The following XRCC1 variants were observed in gnomAD, a reference collection of about 807,000 sequenced individuals.
The protein encoded by XRCC1 is X-ray repair cross complementing 1.
In XRCC1, 52 loss-of-function variants were observed where a neutral mutation model predicts 83.3. The observed-to-expected ratio is 0.62, with a 90% confidence interval of 0.50 to 0.79. The LOEUF is 0.79. Ranked by LOEUF, XRCC1 falls within the 30% of genes least tolerant of loss-of-function variation. XRCC1 has a pLI of 0.00. For missense variants in XRCC1, 793 were observed against 823.5 expected, an observed-to-expected ratio of 0.96 and a Z score of 0.45; for synonymous variants, 281 against 312.6, an observed-to-expected ratio of 0.90 and a Z score of 1.07.
intron 2 of XRCC1, among the ~76,000 whole-genome samples, chr19:43,569,154 T>C (rs1036746436): frequency 6.6e-6 from 1 of 151,518 alleles, no homozygotes; most frequent in Non-Finnish European, 1.5e-5. Context: ...ATAATAGTTA[T>C]CTCAATACAA....
intron 3 of XRCC1, among the ~76,000 whole-genome samples, chr19:43,558,629 CAAATAAAT>C (rs200897711): frequency 1.0e-4 from 15 of 150,130 alleles, no homozygotes; most frequent in African/African-American, 3.2e-4. Context: ...ACCCCCATCT[CAAATAAAT>C]AAATAAATAA....
At position 43,545,970 on chromosome 19, in the gene XRCC1, AGAG is replaced by A; in HGVS notation, c.1482-16_1482-14del. On this transcript the variant is annotated splice_polypyrimidine_tract_variant and intron_variant, in intron 13 of 16. Transcript: ENST00000262887. Reference sequence around the variant, plus strand: ...CTGCTCTGCCACCCTGGGGGTGCCAAGAGGAGTAGAGAGTGAGCATGCAGAGCA... The same window carrying A: ...CTGCTCTGCCACCCTGGGGGTGCCAAGAGTAGAGAGTGAGCATGCAGAGCA... 1 of 1,613,744 alleles carries A rather than the reference AGAG, an allele frequency of 6.2e-7. No individual in the cohort carries two copies. Among genetic ancestry groups the A allele is most frequent in the Non-Finnish European group, 8.5e-7 (1 of 1,179,824 alleles).
intron 3 of XRCC1, among the ~76,000 whole-genome samples, chr19:43,556,897 C>T (rs932371975): frequency 4.6e-5 from 7 of 152,044 alleles, no homozygotes; most frequent in African/African-American, 1.7e-4. Flanking sequence ...CCCAGCTACT[C>T]GAGAGGCTGA....
chr19:43,571,257 T>C (rs1972804402), intron 2 of XRCC1, among the ~76,000 whole-genome samples: 1 of 152,178 alleles, frequency 6.6e-6, no homozygotes, highest in Non-Finnish European at 1.5e-5. Context: ...CTCCTTGCTG[T>C]CACAAGCCAG....
Position 43,544,165 on chromosome 19 carries a change from C to G in XRCC1, c.1691G>C (p.Arg564Pro). 1 of 1,609,550 alleles carries G rather than the reference C, an allele frequency of 6.2e-7. No homozygotes were observed. Among genetic ancestry groups the G allele is most frequent in the Non-Finnish European group, 8.5e-7 (1 of 1,177,970 alleles). The change falls in exon 15 of 17, where the codon CGA becomes CCA. Residue 564 changes from arginine (R) to proline (P), a missense_variant. Arg to Pro is a moderately radical substitution (Grantham distance 103). Coordinates refer to ENST00000262887, the MANE Select transcript of XRCC1 (RefSeq NM_006297.3). ...FPGDERRKLI[R>P]YVTAFNGELE... The stretch of plus-strand genomic sequence containing the variant: ...TCACCCATTGAAGGCTGTGACGTAT[C>G]GGATGAGTTTCCGCCGCTCGTCCCC...
chr19:43,547,430 C>G (rs1972524144), intron 10 of XRCC1, among the ~76,000 whole-genome samples: 1 of 151,686 alleles, frequency 6.6e-6, no homozygotes, highest in South Asian at 2.1e-4. Context: ...ATGCTCTGCC[C>G]CCGTCAGCCT....
chr19:43,546,048 C>A lies in XRCC1; in HGVS notation c.1481+4G>T, dbSNP rs769385496. ...GACACCCCAACCCCCAGCCCCAGCCCTACCTCCTCAGCTCATCCTCTGTGT... is the reference window on the plus strand; with the variant it reads ...GACACCCCAACCCCCAGCCCCAGCCATACCTCCTCAGCTCATCCTCTGTGT... On this transcript the variant is annotated splice_donor_region_variant and intron_variant, in intron 13 of 16. Transcript: ENST00000262887. The A allele has an allele frequency of 2.1e-5, 34 of 1,613,788 alleles. 1 individual carries two copies. In the Middle Eastern group the frequency reaches 6.6e-4, roughly 31 times the overall value.
chr19:43,557,263 T>C (rs2022062), intron 3 of XRCC1, among the ~76,000 whole-genome samples: 91,868 of 146,332 alleles, frequency 0.63, 29,050 homozygotes, highest in East Asian at 0.88. Context: ...GAGCCAAGAT[T>C]GCGCCACTGC....
chr19:43,574,114 T>C (rs565921915), intron 2 of XRCC1, among the ~76,000 whole-genome samples: 4 of 152,234 alleles, frequency 2.6e-5, no homozygotes, highest in African/African-American at 9.6e-5. Context: ...CTCACTCTGG[T>C]GCCCAGGCTG....
In XRCC1 at chr19:43,560,908, A is replaced by C. The variant is rs1203525920; in HGVS notation, c.255+2T>G. The C allele has an allele frequency of 6.2e-7, 1 of 1,612,226 alleles. No homozygotes were observed. ...TGGGATCCATCTCATAGCCCTGCTTACCTCATAGTCTTGCTCCCCAGCGCC... is the reference window on the plus strand; with the variant it reads ...TGGGATCCATCTCATAGCCCTGCTTCCCTCATAGTCTTGCTCCCCAGCGCC... On this transcript the variant is annotated splice_donor_variant, in intron 3 of 16. Coordinates refer to ENST00000262887, the MANE Select transcript of XRCC1 (RefSeq NM_006297.3). LOFTEE classifies it high-confidence loss of function.
rs373569552 is a variant in XRCC1 at position 43,566,917 on chromosome 19, A to ACAACC, written c.145-5902_145-5898dup. On this transcript the variant is annotated intron_variant, in intron 2 of 16. Transcript: ENST00000262887. Reference sequence around the variant, plus strand: ...AAAAAAGGTTTATATATACATGGTAACAACCCAATAAATGTCCATCAGTTG... The same window carrying ACAACC: ...AAAAAAGGTTTATATATACATGGTAACAACCCAACCCAATAAATGTCCATCAGTTG... 4.6e-3 allele frequency among the ~76,000 whole-genome samples: 697 copies of ACAACC among 151,948 alleles called. 6 individuals carry two copies. The highest frequency in any genetic ancestry group is 0.015 in the African/African-American group (635 of 41,420).
Position 43,553,629 on chromosome 19 carries a change from C to T in XRCC1, c.469G>A (p.Glu157Lys), listed in dbSNP as rs2307180. ...VRFHSPPDKDEAEAPSQKVTV... is the reference protein window; with the variant it reads ...VRFHSPPDKDKAEAPSQKVTV... Reference sequence around the variant, plus strand: ...CTTACCTGGGACGGGGCCTCTGCCTCATCTTTGTCTGGGGGGCTATGAAAC... The same window carrying T: ...CTTACCTGGGACGGGGCCTCTGCCTTATCTTTGTCTGGGGGGCTATGAAAC... The change falls in exon 5 of 17, where the codon GAG becomes AAG. Residue 157 changes from glutamate to lysine, a missense_variant. Physicochemically the swap from Glu to Lys is moderately conservative, Grantham distance 56. Coordinates refer to ENST00000262887, the MANE Select transcript of XRCC1 (RefSeq NM_006297.3). 26 of 1,577,360 alleles carry T rather than the reference C, an allele frequency of 1.6e-5. No homozygotes were observed. Among genetic ancestry groups the T allele is most frequent in the East Asian group, 6.8e-5 (3 of 44,186 alleles).
intron 2 of XRCC1, among the ~76,000 whole-genome samples, chr19:43,562,625 T>C (rs1273262976): frequency 6.6e-6 from 1 of 152,072 alleles, no homozygotes; most frequent in Non-Finnish European, 1.5e-5. Context: ...ATACCTGTGG[T>C]CCCAGCTACT....
intron 2 of XRCC1, among the ~76,000 whole-genome samples, chr19:43,573,670 TG>T (rs1972826248): frequency 6.6e-6 from 1 of 151,206 alleles, no homozygotes; most frequent in Admixed American, 6.6e-5. Context: ...CCCAGGAGTT[TG>T]AGACCAGCCT....
chr19:43,549,623 C>T (rs1374534521), intron 10 of XRCC1, among the ~76,000 whole-genome samples: 1 of 152,100 alleles, frequency 6.6e-6, no homozygotes, highest in Non-Finnish European at 1.5e-5. Context: ...GCGGTGCAAT[C>T]ATGGCTCATT....
chr19:43,568,654 G>A (rs958847076), intron 2 of XRCC1, among the ~76,000 whole-genome samples: 4 of 151,296 alleles, frequency 2.6e-5, no homozygotes, highest in African/African-American at 9.7e-5. Flanking sequence ...GGAGGCGGTA[G>A]GTATATATGC....
chr19:43,556,795 A>T (rs1972640690), intron 3 of XRCC1, among the ~76,000 whole-genome samples: 1 of 151,998 alleles, frequency 6.6e-6, no homozygotes, highest in Admixed American at 6.6e-5. Context: ...ACAAGAGGCC[A>T]GGAGTTCAAG....
chr19:43,566,638 G>C (rs1600058434), intron 2 of XRCC1, among the ~76,000 whole-genome samples: 1 of 151,882 alleles, frequency 6.6e-6, no homozygotes, highest in Non-Finnish European at 1.5e-5. Context: ...CAACACTTTG[G>C]GAGGCCAAGG....
chr19:43,568,524 A>G lies in XRCC1; in HGVS notation c.144+6386T>C, dbSNP rs113252261. ...AGTAAGTAAGTAAGTAAGTAAGTAA[A>G]TAAATAAATAAATAAATAAGGTAGA... On this transcript the variant is annotated intron_variant, in intron 2 of 16. Transcript: ENST00000262887. Among the ~76,000 whole-genome samples the G allele has an allele frequency of 6.7e-3, 1,021 of 151,550 alleles. 13 individuals carry two copies. Among genetic ancestry groups the G allele is most frequent in the African/African-American group, 0.021 (856 of 41,266 alleles).
Sources: gnomAD v4.1 joint callset for allele counts (sites outside exome capture counted in the v4.1 genomes callset) on GRCh38, gnomAD v4.1.1 for gene constraint, MANE v1.5 for transcripts, NCBI Gene and HGNC (gene_info 2026-07-23, HGNC 2026-07-21) for gene names.